Variants in VAPB observed in about 807,000 individuals in gnomAD.
The protein encoded by VAPB is VAMP associated protein B and C.
In VAPB, 7 loss-of-function variants were observed where a neutral mutation model predicts 25.6. The observed-to-expected ratio is 0.27, with a 90% confidence interval of 0.16 to 0.51. The LOEUF (loss-of-function observed/expected upper bound fraction) is 0.51, where lower values mean the gene tolerates loss of function less well. Among genes scored for constraint, VAPB ranks in the 20% least tolerant of loss-of-function variants. The probability of loss-of-function intolerance (pLI) is 0.97; values close to 1 mark genes in which losing one functional copy is unlikely to be tolerated. For synonymous variants in VAPB, 112 were observed against 109.2 expected (o/e 1.03, Z -0.16); for missense variants, 266 against 301.3 (o/e 0.88, Z 0.87).
At position 58,418,271 on chromosome 20, in the gene VAPB, T is replaced by C. The variant is rs1461137391; in HGVS notation, c.119T>C (p.Val40Ala). The change falls in exon 2 of 6, where the codon GTG becomes GCG. Residue 40 changes from valine (V) to alanine (A), a missense_variant. Transcript: ENST00000475243. ...CTTGGCAACCCGACAGACCGAAATG[T>C]GTGTTTTAAGGTGAAGACTACAGCA... The part of the protein sequence containing the change: ...LKLGNPTDRN[V>A]CFKVKTTAPR... 2 of 1,613,994 alleles carry C rather than the reference T, an allele frequency of 1.2e-6. No individual in the cohort carries two copies. The highest frequency in any genetic ancestry group is 1.3e-5 in the African/African-American group (1 of 74,888).
At chr20:58,428,090 T>C (rs1470189538) in intron 2 of VAPB, among the ~76,000 whole-genome samples, 1 of 152,284 alleles carries the variant, frequency 6.6e-6, no homozygotes, top group African/African-American at 2.4e-5. Context: ...CTGCATTTAA[T>C]CAAGTCATCA....
intron 1 of VAPB, among the ~76,000 whole-genome samples, chr20:58,411,015 T>C (rs974882958): frequency 6.6e-6 from 1 of 152,226 alleles, no homozygotes; most frequent in African/African-American, 2.4e-5. Context: ...TGTGTGGATA[T>C]AAGTTTTCAA....
At chr20:58,420,440 CA>C (rs1490842553) in intron 2 of VAPB, among the ~76,000 whole-genome samples, 4 of 152,184 alleles carry the variant, frequency 2.6e-5, no homozygotes, top group African/African-American at 9.7e-5. Flanking sequence ...TAAAGTAAGG[CA>C]CAGAGTGTGG....
intron 1 of VAPB, among the ~76,000 whole-genome samples, chr20:58,410,051 T>A (rs974341204): frequency 4.6e-5 from 7 of 151,852 alleles, no homozygotes; most frequent in African/African-American, 7.3e-5. Context: ...TTCCTTTTTT[T>A]AAAAAAAATA....
intron 1 of VAPB, among the ~76,000 whole-genome samples, chr20:58,407,624 C>T (rs1988263193): frequency 6.6e-6 from 1 of 151,578 alleles, no homozygotes; most frequent in Admixed American, 6.6e-5. Flanking sequence ...CATGTCTGTA[C>T]TCCATATCTG....
Position 58,446,029 on chromosome 20 carries a change from A to C in VAPB, c.*1794A>C, listed in dbSNP as rs1218857190. The C allele has an allele frequency of 1.1e-5, 5 of 453,934 alleles. No individual in the cohort carries two copies. The highest frequency in any genetic ancestry group is 6.2e-5 in the South Asian group (4 of 64,482). 28.1% of individuals were successfully genotyped at this position (453,934 alleles called of 1,614,324 possible). A position where few individuals can be genotyped will look rare whatever the true frequency, so the allele number is the denominator to read the frequency against. On this transcript the variant is annotated 3_prime_UTR_variant, in exon 6 of 6. Transcript: ENST00000475243. ...AGGGGCCTTGAAACTGGAGAAGTGG[A>C]AGTCTATGGTTGGTCTGAGTAAGTA...
At chr20:58,438,383 TCCTC>T (rs754607143) in intron 3 of VAPB, among the ~76,000 whole-genome samples, 1 of 152,182 alleles carries the variant, frequency 6.6e-6, no homozygotes, top group Non-Finnish European at 1.5e-5. Context: ...GCCCAAGTGA[TCCTC>T]CCTCCTCAGC....
chr20:58,450,056 T>G lies in VAPB; in HGVS notation c.*5821T>G. The stretch of plus-strand genomic sequence containing the variant: ...TTTTAGGGTTTAAGAAGATGAGAAA[T>G]GAGTGTGCACGTTTCACACGTTGAC... On this transcript the variant is annotated 3_prime_UTR_variant, in exon 6 of 6. Coordinates refer to ENST00000475243, the MANE Select transcript of VAPB (RefSeq NM_004738.5). 2.2e-6 allele frequency: 1 copy of G among 454,012 alleles called. No individual in the cohort carries two copies. Among genetic ancestry groups the G allele is most frequent in the Non-Finnish European group, 4.4e-6 (1 of 226,780 alleles). 28.1% of individuals were successfully genotyped at this position (454,012 alleles called of 1,614,324 possible).
At chr20:58,435,121 A>G (rs1398735756) in intron 3 of VAPB, among the ~76,000 whole-genome samples, 1 of 152,168 alleles carries the variant, frequency 6.6e-6, no homozygotes, top group Non-Finnish European at 1.5e-5. Context: ...TCAGTGCTGA[A>G]TGTCCTCACC....
intron 3 of VAPB, among the ~76,000 whole-genome samples, chr20:58,437,474 C>T (rs1008522727): frequency 2.0e-5 from 3 of 152,166 alleles, no homozygotes; most frequent in Non-Finnish European, 4.4e-5. Flanking sequence ...TGACTGCCAG[C>T]TCTCTCCACT....
Position 58,406,100 on chromosome 20 carries a change from C to T in VAPB, c.59-12111C>T, listed in dbSNP as rs139602629. Among the ~76,000 whole-genome samples, 799 of 151,990 alleles carry T rather than the reference C, an allele frequency of 5.3e-3. 7 individuals carry two copies. The highest frequency in any genetic ancestry group is 0.018 in the African/African-American group (748 of 41,460). The stretch of plus-strand genomic sequence containing the variant: ...GGAGGAGAGTGGGACTCAAGAGTGC[C>T]GTTTGGACATGAGAAACTTGAGATG... On this transcript the variant is annotated intron_variant, in intron 1 of 5. Transcript: ENST00000475243.
intron 2 of VAPB, 25 bp from the exon 3 acceptor site, chr20:58,434,577 C>T: frequency 8.5e-7 from 1 of 1,176,218 alleles, no homozygotes; most frequent in Non-Finnish European, 1.3e-6. Flanking sequence ...CTCTGACCCT[C>T]CTAATGAAAT....
chr20:58,428,717 C>T (rs1988862375), intron 2 of VAPB, among the ~76,000 whole-genome samples: 1 of 152,178 alleles, frequency 6.6e-6, no homozygotes, highest in South Asian at 2.1e-4. Context: ...ACAATTTGCA[C>T]ATATGGAGCT....
At chr20:58,428,200 C>T (rs190911726) in intron 2 of VAPB, among the ~76,000 whole-genome samples, 19 of 152,266 alleles carry the variant, frequency 1.2e-4, no homozygotes, top group Admixed American at 9.8e-4. Context: ...GTTTTATGAC[C>T]CCAAAGGCCC....
At chr20:58,406,897 A>G (rs997705903) in intron 1 of VAPB, among the ~76,000 whole-genome samples, 3 of 152,140 alleles carry the variant, frequency 2.0e-5, no homozygotes, top group Non-Finnish European at 2.9e-5. Flanking sequence ...GCAGTAGAAT[A>G]TTGCTTATCT....
At position 58,444,388 on chromosome 20, in the gene VAPB, G is replaced by T; in HGVS notation, c.*153G>T. 1.0e-6 allele frequency: 1 copy of T among 984,478 alleles called. No homozygotes were observed. The highest frequency in any genetic ancestry group is 1.6e-6 in the Non-Finnish European group (1 of 624,128). The allele number at this position is 984,478 out of a possible 1,614,324, so 61.0% of individuals were successfully genotyped here. On this transcript the variant is annotated 3_prime_UTR_variant, in exon 6 of 6. Coordinates refer to ENST00000475243, the MANE Select transcript of VAPB (RefSeq NM_004738.5). ...ACCCCTCCCTGCACACACATACACA[G>T]ATACACACACACAAATATAATGTAA...
chr20:58,423,431 AAAAAAAAAAAAAAAAAAAG>A (rs1988715214), intron 2 of VAPB, among the ~76,000 whole-genome samples: 1 of 147,876 alleles, frequency 6.8e-6, no homozygotes, highest in Admixed American at 6.7e-5. Context: ...AAAAAAAAAA[AAAAAAAAAAAAAAAAAAAG>A]AAAAGAAAAA....
intron 1 of VAPB, among the ~76,000 whole-genome samples, chr20:58,400,926 G>C (rs1262430231): frequency 6.6e-6 from 1 of 152,214 alleles, no homozygotes; most frequent in African/African-American, 2.4e-5. Flanking sequence ...AAGTCAGGCA[G>C]TGCTTTACTA....
chr20:58,438,240 AG>A (rs1268904993), intron 3 of VAPB, among the ~76,000 whole-genome samples: 2 of 152,140 alleles, frequency 1.3e-5, no homozygotes, highest in African/African-American at 4.8e-5. Context: ...TATACTTTCT[AG>A]ATATGCCTTT....
Sources: gnomAD v4.1 joint callset for allele counts (sites outside exome capture counted in the v4.1 genomes callset) on GRCh38, gnomAD v4.1.1 for gene constraint, MANE v1.5 for transcripts, NCBI Gene and HGNC (gene_info 2026-07-23, HGNC 2026-07-21) for gene names.